The following RBFOX1 variants were observed in gnomAD, a reference collection of about 807,000 sequenced individuals.
The protein encoded by RBFOX1 is RNA binding fox-1 homolog 1.
RBFOX1 carries 8 observed loss-of-function variants against 57.7 expected under a neutral mutation model. The observed-to-expected ratio is 0.14, with a 90% CI of 0.08 to 0.25. RBFOX1 has a LOEUF of 0.25. Ranked by LOEUF, RBFOX1 falls within the 10% of genes least tolerant of loss-of-function variation. The pLI is 1.00. For synonymous variants in RBFOX1, 326 were observed against 222.4 expected (o/e 1.47, Z -4.15); for missense variants, 611 against 548.5 (o/e 1.11, Z -1.14).
chr16:6,352,469 A>C (rs963258591), intron 2 of RBFOX1, among the ~76,000 whole-genome samples: 4 of 152,204 alleles, frequency 2.6e-5, no homozygotes, highest in African/African-American at 9.6e-5. Context: ...TGTGGATTAC[A>C]ATGGAATTTT....
At chr16:6,303,984 G>A (rs2079143553) in intron 1 of RBFOX1, among the ~76,000 whole-genome samples, 1 of 147,132 alleles carries the variant, frequency 6.8e-6, no homozygotes, top group South Asian at 2.3e-4. Flanking sequence ...GCTAATTTTT[G>A]TATTTTTAGT....
chr16:5,728,873 C>T (rs1015612667), intron 3 of RBFOX1, among the ~76,000 whole-genome samples: 1 of 152,190 alleles, frequency 6.6e-6, no homozygotes, highest in Non-Finnish European at 1.5e-5. Flanking sequence ...GGCCAAAAGT[C>T]TGTACCTGTC....
At chr16:6,044,635 C>T (rs751501619) in intron 1 of RBFOX1, among the ~76,000 whole-genome samples, 2 of 152,138 alleles carry the variant, frequency 1.3e-5, no homozygotes, top group Non-Finnish European at 2.9e-5. Context: ...GGAAAGATGG[C>T]TAGTATCTTC....
chr16:5,910,481 A>G (rs573757561), intron 4 of RBFOX1, among the ~76,000 whole-genome samples: 2 of 152,312 alleles, frequency 1.3e-5, no homozygotes, highest in African/African-American at 4.8e-5. Context: ...AGTCTTGACA[A>G]TGGTTGGCTA....
chr16:6,281,510 C>T (rs569200484), intron 1 of RBFOX1, among the ~76,000 whole-genome samples: 45 of 151,934 alleles, frequency 3.0e-4, no homozygotes, highest in Middle Eastern at 6.8e-3. Flanking sequence ...GGTGTGGGCC[C>T]CAAAGTGCTT....
intron 1 of RBFOX1, among the ~76,000 whole-genome samples, chr16:5,336,661 G>A (rs1353148797): frequency 3.9e-5 from 6 of 152,170 alleles, no homozygotes; most frequent in African/African-American, 1.4e-4. Flanking sequence ...AGGTAGTGAT[G>A]ACCCATTCAT....
chr16:6,383,458 G>A (rs1051094124), intron 2 of RBFOX1, among the ~76,000 whole-genome samples: 3 of 152,120 alleles, frequency 2.0e-5, no homozygotes, highest in African/African-American at 7.2e-5. Context: ...CCAATTCACT[G>A]AATGCACCAA....
At chr16:6,421,372 T>C (rs1438946541) in intron 2 of RBFOX1, among the ~76,000 whole-genome samples, 1 of 152,222 alleles carries the variant, frequency 6.6e-6, no homozygotes, top group African/African-American at 2.4e-5. Flanking sequence ...AAGCGTATTA[T>C]GTGAACGTAA....
intron 4 of RBFOX1, among the ~76,000 whole-genome samples, chr16:5,907,530 C>T (rs1281185730): frequency 6.6e-6 from 1 of 152,090 alleles, no homozygotes; most frequent in Non-Finnish European, 1.5e-5. Flanking sequence ...GCTTGTCTTG[C>T]TTATGCTGTG....
rs879827936 is a variant in RBFOX1 at position 6,905,225 on chromosome 16, G to T, written c.-15-146832G>T. ...CTTGTTCCTTAGCCCTTTCTTCCTAGCTAACAGTCTCTGTAACTGTTTAAA... is the reference window on the plus strand; with the variant it reads ...CTTGTTCCTTAGCCCTTTCTTCCTATCTAACAGTCTCTGTAACTGTTTAAA... On this transcript the variant is annotated intron_variant, in intron 3 of 15. Coordinates refer to ENST00000550418, the MANE Select transcript of RBFOX1 (RefSeq NM_018723.4). Among the ~76,000 whole-genome samples the T allele has an allele frequency of 5.4e-4, 82 of 151,324 alleles. 1 individual carries two copies. Among genetic ancestry groups the T allele is most frequent in the Middle Eastern group, 3.4e-3 (1 of 294 alleles).
chr16:7,087,964 C>G lies in RBFOX1; in HGVS notation c.27+35866C>G, dbSNP rs75968018. On this transcript the variant is annotated intron_variant, in intron 4 of 15. Coordinates refer to ENST00000550418, the MANE Select transcript of RBFOX1 (RefSeq NM_018723.4). Reference sequence around the variant, plus strand: ...TGACTTTGGGGATAAAGATTGCAGCCCAGAGTAATCGCATTTTGTGTAAGG... The same window carrying G: ...TGACTTTGGGGATAAAGATTGCAGCGCAGAGTAATCGCATTTTGTGTAAGG... Among the ~76,000 whole-genome samples, 1,497 of 152,112 alleles carry G rather than the reference C, an allele frequency of 9.8e-3. 28 individuals carry two copies. The highest frequency in any genetic ancestry group is 0.034 in the African/African-American group (1,406 of 41,486).
intron 4 of RBFOX1, chr16:7,510,419 G>C: frequency 1.1e-6 from 1 of 872,532 alleles, no homozygotes; most frequent in Non-Finnish European, 1.4e-6. Context: ...CACGTAGCTT[G>C]CTGCTTGAAT....
chr16:7,523,534 A>G (rs892066138), intron 5 of RBFOX1, among the ~76,000 whole-genome samples: 1 of 152,216 alleles, frequency 6.6e-6, no homozygotes, highest in East Asian at 1.9e-4. Context: ...AATTTGGAGA[A>G]TGTAAATGTA....
intron 2 of RBFOX1, among the ~76,000 whole-genome samples, chr16:5,578,438 A>G (rs2046543159): frequency 6.6e-6 from 1 of 152,182 alleles, no homozygotes; most frequent in Admixed American, 6.5e-5. Flanking sequence ...GAATCCCAAG[A>G]AGGACCTTGG....
chr16:5,983,083 G>A (rs2060205819), intron 4 of RBFOX1, among the ~76,000 whole-genome samples: 1 of 152,164 alleles, frequency 6.6e-6, no homozygotes, highest in Admixed American at 6.5e-5. Flanking sequence ...AAGAGTGAGT[G>A]CGACTTCACT....
At chr16:5,383,675 A>G (rs560675940) in intron 1 of RBFOX1, among the ~76,000 whole-genome samples, 1 of 152,332 alleles carries the variant, frequency 6.6e-6, no homozygotes, top group East Asian at 1.9e-4. Context: ...ATTGCAACAC[A>G]TGTTTATAAG....
intron 3 of RBFOX1, among the ~76,000 whole-genome samples, chr16:6,682,280 C>T (rs866586331): frequency 1.3e-5 from 2 of 152,144 alleles, no homozygotes; most frequent in Admixed American, 1.3e-4. Context: ...GCCCTGCCTC[C>T]TCTGGAGGGA....
At chr16:7,199,138 C>A (rs552842914) in intron 4 of RBFOX1, among the ~76,000 whole-genome samples, 59 of 152,216 alleles carry the variant, frequency 3.9e-4, no homozygotes, top group African/African-American at 1.3e-3. Context: ...ATGTTAGGGA[C>A]TGTTGATGAG....
At chr16:6,553,552 A>G (rs896095196) in intron 2 of RBFOX1, among the ~76,000 whole-genome samples, 15 of 152,334 alleles carry the variant, frequency 9.8e-5, no homozygotes, top group Non-Finnish European at 1.8e-4. Context: ...AATTGTCACC[A>G]AGTCTATCTA....
Sources: gnomAD v4.1 joint callset for allele counts (sites outside exome capture counted in the v4.1 genomes callset) on GRCh38, gnomAD v4.1.1 for gene constraint, MANE v1.5 for transcripts, NCBI Gene and HGNC (gene_info 2026-07-23, HGNC 2026-07-21) for gene names.